Variants in CFAP57 observed in about 807,000 individuals in gnomAD.
The protein encoded by CFAP57 is cilia- and flagella-associated protein 57.
A neutral mutation model predicts 146.8 loss-of-function variants in CFAP57; 116 were observed. The observed-to-expected ratio is 0.79, with a 90% CI of 0.68 to 0.92. The LOEUF (loss-of-function observed/expected upper bound fraction) is 0.92. CFAP57 is among the 40% of genes least tolerant of loss of function. The probability of loss-of-function intolerance (pLI) is 0.00; values close to 1 mark genes in which losing one functional copy is unlikely to be tolerated. For synonymous variants in CFAP57, 518 were observed against 552.8 expected, an observed-to-expected ratio of 0.94 and a Z score of 0.88; for missense variants, 1,377 against 1,527.2, an observed-to-expected ratio of 0.90 and a Z score of 1.64.
At chr1:43,239,152 C>T (rs1000732803) in intron 21 of CFAP57, among the ~76,000 whole-genome samples, 1 of 152,022 alleles carries the variant, frequency 6.6e-6, no homozygotes, top group African/African-American at 2.4e-5. Flanking sequence ...TGGAGCCAAG[C>T]GGGACCTCCC....
intron 18 of CFAP57, 68 bp from the exon 19 acceptor site, chr1:43,232,440 C>T: frequency 1.5e-6 from 2 of 1,347,076 alleles, no homozygotes; most frequent in South Asian, 2.5e-5. Flanking sequence ...TGAAAGACTA[C>T]AGTTCTCAAA....
intron 7 of CFAP57, 42 bp from the exon 8 acceptor site, chr1:43,198,439 A>G (rs773264505): frequency 3.1e-6 from 5 of 1,601,914 alleles, no homozygotes; most frequent in Non-Finnish European, 4.3e-6. Context: ...GGAAGGATTT[A>G]GTGAGCTAAG....
At chr1:43,181,087 T>A (rs1225049002) in intron 2 of CFAP57, among the ~76,000 whole-genome samples, 2 of 152,054 alleles carry the variant, frequency 1.3e-5, no homozygotes, top group Non-Finnish European at 2.9e-5. Flanking sequence ...AGTCATTTTC[T>A]TTTGGGGACA....
At chr1:43,225,051 TTTTGTTTGTTTGTTTGTTTG>T (rs146484094) in intron 17 of CFAP57, among the ~76,000 whole-genome samples, 4 of 151,114 alleles carry the variant, frequency 2.6e-5, no homozygotes, top group Non-Finnish European at 5.9e-5. Context: ...ATATCCAGGG[TTTTGTTTGTTTGTTTGTTTG>T]TTTGTTTGTT....
chr1:43,250,064 G>A (rs924577808), intron 22 of CFAP57, among the ~76,000 whole-genome samples: 22 of 152,152 alleles, frequency 1.4e-4, no homozygotes, highest in African/African-American at 4.8e-4. Flanking sequence ...CATAAGTCAC[G>A]TGAACTTGAA....
intron 21 of CFAP57, 23 bp from the exon 22 acceptor site, chr1:43,243,204 T>C (rs1020161081): frequency 6.5e-7 from 1 of 1,548,544 alleles, no homozygotes; most frequent in Admixed American, 2.0e-5. Flanking sequence ...CCACCCTCCC[T>C]CTCTCTTCCC....
chr1:43,247,739 C>G (rs571958191), intron 22 of CFAP57, among the ~76,000 whole-genome samples: 1 of 152,114 alleles, frequency 6.6e-6, no homozygotes, highest in Non-Finnish European at 1.5e-5. Context: ...AACAAACAAA[C>G]GAAAACTACA....
intron 9 of CFAP57, among the ~76,000 whole-genome samples, chr1:43,200,265 C>T (rs934465379): frequency 1.3e-5 from 2 of 152,002 alleles, no homozygotes; most frequent in Admixed American, 1.3e-4. Flanking sequence ...GTAGGAGGAT[C>T]GCTTGCACTC....
intron 22 of CFAP57, among the ~76,000 whole-genome samples, chr1:43,249,222 A>G (rs1190109597): frequency 3.3e-5 from 5 of 151,762 alleles, no homozygotes; most frequent in African/African-American, 7.3e-5. Context: ...TTAATTGGAA[A>G]TGACCCAGAT....
In CFAP57 at chr1:43,201,940, T is replaced by C. The variant is rs1644143654; in HGVS notation, c.1542+2437T>C. ...CACGGACATTATTAATGAGAGCTGC[T>C]GAGCCTCCTCAGCTTCAGCAATATA... On this transcript the variant is annotated intron_variant, in intron 9 of 22. Coordinates refer to ENST00000372492, the MANE Select transcript of CFAP57 (RefSeq NM_001378189.1). The surrounding 1 kb of genome is among the most constrained non-coding windows in gnomAD (Gnocchi z 4.4). Among the ~76,000 whole-genome samples the C allele has an allele frequency of 6.6e-6, 1 of 152,204 alleles. No homozygotes were observed. Among genetic ancestry groups the C allele is most frequent in the Non-Finnish European group, 1.5e-5 (1 of 68,042 alleles).
chr1:43,219,640 T>C, intron 13 of CFAP57, 103 bp downstream of exon 13: 5 of 1,364,854 alleles, frequency 3.7e-6, no homozygotes, highest in South Asian at 2.5e-5. Context: ...CAGTAAGATA[T>C]GTGAAAATGT....
At chr1:43,190,416 G>T (rs372807341) in intron 6 of CFAP57, among the ~76,000 whole-genome samples, 6 of 151,920 alleles carry the variant, frequency 3.9e-5, no homozygotes, top group Non-Finnish European at 7.4e-5. Flanking sequence ...AGCTACAGGC[G>T]CCCGCCACCA....
Position 43,222,981 on chromosome 1 carries a change from G to C in CFAP57, c.2690G>C (p.Gly897Ala). ...ESNLRLKGET[G>A]IMRKKFSSLQ... ...AACCTGCGGCTCAAGGGAGAAACAG[G>C]CATCATGAGGAAGAAGGTAGCAGGC... The change falls in exon 16 of 23, where the codon GGC becomes GCC. Residue 897 changes from glycine to alanine, a missense_variant. Coordinates refer to ENST00000372492, the MANE Select transcript of CFAP57 (RefSeq NM_001378189.1). The C allele has an allele frequency of 6.5e-7, 1 of 1,549,390 alleles. No individual in the cohort carries two copies. The highest frequency in any genetic ancestry group is 8.7e-7 in the Non-Finnish European group (1 of 1,146,330).
intron 13 of CFAP57, among the ~76,000 whole-genome samples, chr1:43,221,027 C>G (rs1312892708): frequency 6.6e-6 from 1 of 152,084 alleles, no homozygotes; most frequent in Non-Finnish European, 1.5e-5. Context: ...ATGAGCACAG[C>G]CAAGGATTTT....
chr1:43,197,829 C>T, intron 7 of CFAP57, 137 bp downstream of exon 7: 5 of 1,241,024 alleles, frequency 4.0e-6, no homozygotes, highest in Non-Finnish European at 5.7e-6. Context: ...AAAATCAAGT[C>T]AGTCAACCTA....
chr1:43,233,498 A>G (rs1173292581), intron 19 of CFAP57, among the ~76,000 whole-genome samples: 1 of 152,104 alleles, frequency 6.6e-6, no homozygotes, highest in Non-Finnish European at 1.5e-5. Context: ...AAAAAAAAAA[A>G]AAAAGATTGG....
chr1:43,176,679 CAAAAT>C (rs773503530), intron 2 of CFAP57, among the ~76,000 whole-genome samples: 22 of 152,106 alleles, frequency 1.4e-4, no homozygotes, highest in South Asian at 6.2e-4. Flanking sequence ...GAGTGACAAA[CAAAAT>C]AAAAAGAAGT....
At chr1:43,243,392 C>T (rs1237228035) in intron 22 of CFAP57, 33 bp downstream of exon 22, 1 of 1,486,908 alleles carries the variant, frequency 6.7e-7, no homozygotes, top group East Asian at 2.6e-5. Context: ...GAGATGGGCA[C>T]TGGGACGAAG....
At position 43,181,597 on chromosome 1, in the gene CFAP57, T is replaced by C; in HGVS notation, c.221T>C (p.Ile74Thr). 6.2e-7 allele frequency: 1 copy of C among 1,614,250 alleles called. No individual in the cohort carries two copies. Among genetic ancestry groups the C allele is most frequent in the Non-Finnish European group, 8.5e-7 (1 of 1,180,044 alleles). The change falls in exon 3 of 23, where the codon ATC becomes ACC. Residue 74 changes from isoleucine to threonine, a missense_variant. Ile to Thr is a moderately conservative substitution (Grantham distance 89, BLOSUM62 -1). Coordinates refer to ENST00000372492, the MANE Select transcript of CFAP57 (RefSeq NM_001378189.1). ...AGTCCCAATCGGCGGTACCTCGCTATCTCTGAGACTGTGCAAGAAAAACCT... is the reference window on the plus strand; with the variant it reads ...AGTCCCAATCGGCGGTACCTCGCTACCTCTGAGACTGTGCAAGAAAAACCT... The part of the protein sequence containing the change: ...SISPNRRYLA[I>T]SETVQEKPAI...
Sources: gnomAD v4.1 joint callset for allele counts (sites outside exome capture counted in the v4.1 genomes callset) on GRCh38, gnomAD v4.1.1 for gene constraint, Gnocchi (gnomAD v3.1) non-coding constraint, MANE v1.5 for transcripts, NCBI Gene and HGNC (gene_info 2026-07-23, HGNC 2026-07-21) for gene names.